Variants in TELO2 observed in about 807,000 individuals in gnomAD.
TELO2 encodes the protein telomere length regulation protein TEL2 homolog.
TELO2 carries 71 observed loss-of-function variants against 91.0 expected under a neutral mutation model. The ratio of observed to expected loss-of-function variants is 0.78; its 90% CI spans 0.64 to 0.95. The LOEUF is 0.95. Among genes scored for constraint, TELO2 ranks in the 40% least tolerant of loss-of-function variants. TELO2 has a pLI of 0.00. For missense variants in TELO2, 1,183 were observed against 1,141.3 expected (o/e 1.04, Z -0.53); for synonymous variants, 584 against 518.9 (o/e 1.13, Z -1.71).
In TELO2 at chr16:1,495,329, C is replaced by G. The variant is rs551978524; in HGVS notation, c.336-17C>G. 1 of 1,527,304 alleles carries G rather than the reference C, an allele frequency of 6.5e-7. No individual in the cohort carries two copies. Among genetic ancestry groups the G allele is most frequent in the South Asian group, 1.2e-5 (1 of 82,612 alleles). 94.6% of individuals were successfully genotyped at this position (1,527,304 alleles called of 1,614,324 possible). A position where few individuals can be genotyped will look rare whatever the true frequency, so the allele number is the denominator to read the frequency against. On this transcript the variant is annotated splice_polypyrimidine_tract_variant and intron_variant, in intron 2 of 20. Coordinates refer to ENST00000262319, the MANE Select transcript of TELO2 (RefSeq NM_016111.4). ...GATGGGGGTTGGCGGCTCTGCCCAA[C>G]ACGCCCGTATCTTCAGCCCCAGCTT...
rs754682182 is a variant in TELO2, at chr16:1,505,163, G to A, written c.1843-247G>A. The stretch of plus-strand genomic sequence containing the variant: ...CGGGACTGCGTGGCTTTAGGATGAG[G>A]CTGCGCTCGGCCCTGGGCGTGTTCT... On this transcript the variant is annotated intron_variant, in intron 15 of 20. Coordinates refer to ENST00000262319, the MANE Select transcript of TELO2 (RefSeq NM_016111.4). The surrounding 1 kb of genome is among the most constrained non-coding windows in gnomAD (Gnocchi z 4.3). The A allele has an allele frequency of 8.2e-5, 41 of 502,498 alleles. 1 individual carries two copies. The highest frequency in any genetic ancestry group is 1.3e-4 in the Non-Finnish European group (37 of 280,824). The allele number at this position is 502,498 out of a possible 1,614,324, so 31.1% of individuals were successfully genotyped here.
chr16:1,510,348 G>A lies in TELO2; in HGVS notation c.*412G>A, dbSNP rs2040094325. 4.1e-6 allele frequency: 1 copy of A among 242,526 alleles called. No homozygotes were observed. The highest frequency in any genetic ancestry group is 5.2e-5 in the South Asian group (1 of 19,202). The allele number at this position is 242,526 out of a possible 1,614,324, so 15.0% of individuals were successfully genotyped here. A position where few individuals can be genotyped will look rare whatever the true frequency, so the allele number is the denominator to read the frequency against. The stretch of plus-strand genomic sequence containing the variant: ...CCTCGGGCTGAGCGCCGTGTCACCA[G>A]GAGAATAGTGCTCACAGCCCAGGCA... On this transcript the variant is annotated 3_prime_UTR_variant, in exon 21 of 21. Coordinates refer to ENST00000262319, the MANE Select transcript of TELO2 (RefSeq NM_016111.4).
At chr16:1,498,378 CTG>C (rs2039566513) in intron 5 of TELO2, among the ~76,000 whole-genome samples, 1 of 152,160 alleles carries the variant, frequency 6.6e-6, no homozygotes. Context: ...ATTCTTTTCT[CTG>C]TGAACTATAT....
chr16:1,507,876 GTGTGTGTGTGTGTGTGTGA>G (rs1403959004), intron 20 of TELO2, among the ~76,000 whole-genome samples, 160 bp downstream of exon 20: 1 of 128,322 alleles, frequency 7.8e-6, no homozygotes, highest in African/African-American at 3.3e-5. Context: ...GTGTGTGTGT[GTGTGTGTGTGTGTGTGTGA>G]TGTGTGTCGG....
chr16:1,501,615 G>T, intron 10 of TELO2, 48 bp from the exon 11 acceptor site: 1 of 1,579,242 alleles, frequency 6.3e-7, no homozygotes, highest in South Asian at 1.1e-5. Context: ...CCTGAGACCA[G>T]AGGCTCGAGG....
At position 1,494,637 on chromosome 16, in the gene TELO2, C is replaced by G; in HGVS notation, c.335+21C>G. On this transcript the variant is annotated intron_variant, in intron 2 of 20. Transcript: ENST00000262319. This position sits in a 1 kb window ranked among gnomAD's most constrained non-coding sequence, Gnocchi z 5.6. ...GCGGGGTGAGTGGGCTGGGCCCATCCTGGGGTTGCCGGTAGCCTCAGAAGT... is the reference window on the plus strand; with the variant it reads ...GCGGGGTGAGTGGGCTGGGCCCATCGTGGGGTTGCCGGTAGCCTCAGAAGT... The G allele has an allele frequency of 6.3e-7, 1 of 1,599,130 alleles. No individual in the cohort carries two copies. The highest frequency in any genetic ancestry group is 2.2e-5 in the East Asian group (1 of 44,552).
At chr16:1,495,208 C>A in intron 2 of TELO2, 138 bp from the exon 3 acceptor site, 1 of 1,238,724 alleles carries the variant, frequency 8.1e-7, no homozygotes, top group Non-Finnish European at 1.1e-6. Context: ...ATTTTCCCAT[C>A]CGGCTTGTGG....
At chr16:1,503,871 C>T (rs1163574665) in intron 15 of TELO2, among the ~76,000 whole-genome samples, 1 of 152,120 alleles carries the variant, frequency 6.6e-6, no homozygotes, top group African/African-American at 2.4e-5. Flanking sequence ...GCGGCTCATG[C>T]CTGTCATCCC....
chr16:1,502,582 TCG>T, intron 13 of TELO2, 61 bp from the exon 14 acceptor site: 1 of 1,573,834 alleles, frequency 6.4e-7, no homozygotes, highest in Non-Finnish European at 8.6e-7. Flanking sequence ...CCTGTGAGCC[TCG>T]GTGAGGCCTC....
intron 17 of TELO2, 63 bp from the exon 18 acceptor site, chr16:1,506,889 C>G (rs1050250628): frequency 6.6e-7 from 1 of 1,509,736 alleles, no homozygotes; most frequent in Non-Finnish European, 8.9e-7. Context: ...CACGGTGGCC[C>G]AGGAGGTTGG....
intron 20 of TELO2, among the ~76,000 whole-genome samples, chr16:1,509,232 C>A (rs558857664): frequency 6.6e-6 from 1 of 152,082 alleles, no homozygotes; most frequent in Non-Finnish European, 1.5e-5. Flanking sequence ...GGCGGGGTCC[C>A]GACAGGGTGT....
At position 1,501,733 on chromosome 16, in the gene TELO2, C is replaced by T. The variant is rs1177781018; in HGVS notation, c.1432C>T (p.Pro478Ser). The change falls in exon 11 of 21, where the codon CCC (proline) becomes TCC (serine). Residue 478 changes from proline to serine, a missense_variant. Physicochemically the swap from Pro to Ser is moderately conservative, Grantham distance 74. Coordinates refer to ENST00000262319, the MANE Select transcript of TELO2 (RefSeq NM_016111.4). ...TPAEIVDGGV[P>S]QAQLAGSDSD... ...CGCAGAGATCGTGGATGGCGGCGTC[C>T]CCCAAGCACAGCTGGCGGGCTCTGA... is the stretch of plus-strand genomic sequence containing the variant. The T allele has an allele frequency of 1.2e-6, 2 of 1,611,984 alleles. No individual in the cohort carries two copies. Among genetic ancestry groups the T allele is most frequent in the South Asian group, 2.2e-5 (2 of 91,050 alleles).
chr16:1,502,143 C>T lies in TELO2; in HGVS notation c.1561+8C>T, dbSNP rs767516647. 20 of 1,612,372 alleles carry T rather than the reference C, an allele frequency of 1.2e-5. No individual in the cohort carries two copies. The highest frequency in any genetic ancestry group is 8.3e-5 in the Admixed American group (5 of 60,000). ...TCCGGGACTGCGTGGAAGGTGGGCA[C>T]GGGCCCCTGGAGGGCCTTGCTGGGC... is the stretch of plus-strand genomic sequence containing the variant. On this transcript the variant is annotated splice_region_variant and intron_variant, in intron 12 of 20. Transcript: ENST00000262319.
intron 3 of TELO2, among the ~76,000 whole-genome samples, chr16:1,496,513 G>A (rs964026574): frequency 2.4e-4 from 37 of 152,242 alleles, no homozygotes; most frequent in African/African-American, 8.4e-4. Context: ...TCACGTGTTC[G>A]GGGTTGGCTG....
Position 1,500,219 on chromosome 16 carries a change from G to A in TELO2, c.1002+55G>A, listed in dbSNP as rs545695774. On this transcript the variant is annotated intron_variant, in intron 7 of 20. Transcript: ENST00000262319. ...GAGGCCCTGGGAGAAGAGCCGTGCG[G>A]GGCTCACCTTTTGGGCGGCAGGGTG... 87 of 1,552,484 alleles carry A rather than the reference G, an allele frequency of 5.6e-5. 1 individual carries two copies. The African/African-American group carries it at 8.7e-4, about 15-fold the overall frequency.
chr16:1,496,195 G>A (rs1596250717), intron 3 of TELO2, among the ~76,000 whole-genome samples: 2 of 152,192 alleles, frequency 1.3e-5, no homozygotes, highest in Admixed American at 1.3e-4. Flanking sequence ...ACCTGGGTCC[G>A]GACTCCACCC....
In TELO2 at chr16:1,497,345, C is replaced by T; in HGVS notation, c.683-16C>T. The T allele has an allele frequency of 6.5e-7, 1 of 1,533,484 alleles. No homozygotes were observed. Among genetic ancestry groups the T allele is most frequent in the Non-Finnish European group, 8.8e-7 (1 of 1,136,498 alleles). The allele number at this position is 1,533,484 out of a possible 1,614,324, so 95.0% of individuals were successfully genotyped here. ...GTGCAGCTCCCCAGGCTCAGGTCCTCCGTCTGTCCCCTCAGAGGAGATCCT... is the reference window on the plus strand; with the variant it reads ...GTGCAGCTCCCCAGGCTCAGGTCCTTCGTCTGTCCCCTCAGAGGAGATCCT... On this transcript the variant is annotated splice_polypyrimidine_tract_variant and intron_variant, in intron 4 of 20. Coordinates refer to ENST00000262319, the MANE Select transcript of TELO2 (RefSeq NM_016111.4). The surrounding 1 kb of genome is among the most constrained non-coding windows in gnomAD (Gnocchi z 4.0).
chr16:1,509,680 T>C, intron 20 of TELO2, 150 bp from the exon 21 acceptor site: 2 of 680,012 alleles, frequency 2.9e-6, no homozygotes, highest in Admixed American at 2.5e-5. Flanking sequence ...CCCAAGGCCG[T>C]GGGGAGAGTC....
At chr16:1,495,102 G>A (rs2039428477) in intron 2 of TELO2, among the ~76,000 whole-genome samples, 1 of 152,240 alleles carries the variant, frequency 6.6e-6, no homozygotes. Flanking sequence ...CAGCAGCAGG[G>A]GAGGGGTGTC....
Sources: allele counts gnomAD v4.1 joint callset (sites outside exome capture counted in the v4.1 genomes callset), GRCh38; gene constraint gnomAD v4.1.1; non-coding constraint Gnocchi (gnomAD v3.1); transcripts MANE v1.5; gene names NCBI Gene and HGNC (gene_info 2026-07-23, HGNC 2026-07-21).